The following ADCY5 variants were observed in gnomAD, a reference collection of about 807,000 sequenced individuals.
The protein encoded by ADCY5 is adenylate cyclase type 5.
A neutral mutation model predicts 119.7 loss-of-function variants in ADCY5; 30 were observed. The observed-to-expected ratio is 0.25, with a 90% CI of 0.19 to 0.34. ADCY5 has a LOEUF of 0.34. ADCY5 is among the 10% of genes least tolerant of loss of function. The probability of loss-of-function intolerance (pLI) is 1.00; values close to 1 mark genes in which losing one functional copy is unlikely to be tolerated. For synonymous variants in ADCY5, 753 were observed against 762.2 expected (o/e 0.99, Z 0.20); for missense variants, 1,324 against 1,775.2 (o/e 0.75, Z 4.57).
chr3:123,379,324 G>A (rs1033916592), intron 1 of ADCY5, among the ~76,000 whole-genome samples: 1 of 152,130 alleles, frequency 6.6e-6, no homozygotes, highest in South Asian at 2.1e-4. Context: ...TGGTTAGGGG[G>A]TGATGCTGGT....
intron 14 of ADCY5, 56 bp downstream of exon 14, chr3:123,302,999 T>G (rs1263563143): frequency 1.5e-5 from 24 of 1,586,838 alleles, no homozygotes; most frequent in Non-Finnish European, 2.1e-5. Context: ...GCAGTGACAG[T>G]GGGGGAGGGC....
At chr3:123,362,750 A>G (rs565335618) in intron 1 of ADCY5, among the ~76,000 whole-genome samples, 39 of 152,326 alleles carry the variant, frequency 2.6e-4, no homozygotes, top group Non-Finnish European at 4.0e-4. Flanking sequence ...TCTATCCTCA[A>G]GTTAATTTCA....
chr3:123,289,595 C>T (rs538564400), intron 19 of ADCY5, among the ~76,000 whole-genome samples, 155 bp downstream of exon 19: 1 of 152,380 alleles, frequency 6.6e-6, no homozygotes, highest in South Asian at 2.1e-4. Context: ...CCCCCACCTA[C>T]TAAGGGCAGG....
intron 4 of ADCY5, 38 bp downstream of exon 4, chr3:123,332,526 G>A: frequency 6.6e-7 from 1 of 1,508,606 alleles, no homozygotes; most frequent in Non-Finnish European, 9.2e-7. Context: ...CAACAGCCCA[G>A]GTCAGGCCAC....
chr3:123,420,648 G>A, intron 1 of ADCY5, among the ~76,000 whole-genome samples: 1 of 152,172 alleles, frequency 6.6e-6, no homozygotes, highest in East Asian at 1.9e-4. Flanking sequence ...TTCTGACACT[G>A]TTTGTCCCTG....
At chr3:123,396,791 C>CAGGCAGGA (rs1944596311) in intron 1 of ADCY5, among the ~76,000 whole-genome samples, 1 of 88,818 alleles carries the variant, frequency 1.1e-5, no homozygotes, top group African/African-American at 4.4e-5. Flanking sequence ...GGCAGGCAGG[C>CAGGCAGGA]AGGCAGGCAG....
intron 1 of ADCY5, among the ~76,000 whole-genome samples, chr3:123,430,777 G>A (rs1945508483): frequency 6.6e-6 from 1 of 152,146 alleles, no homozygotes; most frequent in African/African-American, 2.4e-5. Flanking sequence ...CCAGGTCCCA[G>A]CCCCACAGCT....
chr3:123,363,100 A>C (rs563912623), intron 1 of ADCY5, among the ~76,000 whole-genome samples: 40 of 150,378 alleles, frequency 2.7e-4, no homozygotes, highest in African/African-American at 8.8e-4. Flanking sequence ...CCGAGATCAC[A>C]TCATTGCACT....
intron 17 of ADCY5, among the ~76,000 whole-genome samples, chr3:123,292,371 G>A (rs1939205226): frequency 6.6e-6 from 1 of 152,162 alleles, no homozygotes; most frequent in Non-Finnish European, 1.5e-5. Context: ...AGAGCTCCCA[G>A]GGCAGAAGAT....
At chr3:123,407,137 C>G (rs1386872484) in intron 1 of ADCY5, among the ~76,000 whole-genome samples, 1 of 152,152 alleles carries the variant, frequency 6.6e-6, no homozygotes, top group East Asian at 1.9e-4. Flanking sequence ...TCCTCCCACT[C>G]TGACCTCTGG....
rs1421004275 is a variant in ADCY5, at chr3:123,286,844, T to A, written c.3533-35A>T. On this transcript the variant is annotated intron_variant, in intron 19 of 20. Coordinates refer to ENST00000462833, the MANE Select transcript of ADCY5 (RefSeq NM_183357.3). The surrounding 1 kb of genome is among the most constrained non-coding windows in gnomAD (Gnocchi z 4.2). ...ACAGGAATCAGCCACAGTCATCACA[T>A]CTCTGGCTTGACCTTGCCACCATCT... 6.4e-7 allele frequency: 1 copy of A among 1,555,020 alleles called. No individual in the cohort carries two copies. Among genetic ancestry groups the A allele is most frequent in the South Asian group, 1.2e-5 (1 of 80,934 alleles).
intron 1 of ADCY5, among the ~76,000 whole-genome samples, chr3:123,432,598 A>G (rs1051093539): frequency 6.6e-6 from 1 of 151,974 alleles, no homozygotes; most frequent in African/African-American, 2.4e-5. Flanking sequence ...TGGCGCGATC[A>G]CAGCTCACTA....
chr3:123,310,794 G>A (rs928452883), intron 12 of ADCY5, among the ~76,000 whole-genome samples: 5 of 152,142 alleles, frequency 3.3e-5, no homozygotes, highest in African/African-American at 1.2e-4. Flanking sequence ...CTGAGGCTCA[G>A]GAGTGAAACC....
At chr3:123,423,789 G>A (rs1269840160) in intron 1 of ADCY5, among the ~76,000 whole-genome samples, 1 of 152,222 alleles carries the variant, frequency 6.6e-6, no homozygotes, top group East Asian at 1.9e-4. Context: ...TATGAGGAAA[G>A]AAGGGCAGGG....
rs76807599 is a variant in ADCY5 at position 123,295,868 on chromosome 3, A to G, written c.3063+216T>C. ...ACTGTCAGCATGGGTTTGTCTGCAC[A>G]GAGTAAGTCCCAGGGTTTTGCCTCT... On this transcript the variant is annotated intron_variant, in intron 17 of 20. Transcript: ENST00000462833. 0.02 allele frequency among the ~76,000 whole-genome samples: 3,010 copies of G among 152,348 alleles called. 97 individuals carry two copies. Among genetic ancestry groups the G allele is most frequent in the African/African-American group, 0.065 (2,686 of 41,586 alleles).
chr3:123,367,735 G>A (rs1419475953), intron 1 of ADCY5, among the ~76,000 whole-genome samples: 1 of 152,070 alleles, frequency 6.6e-6, no homozygotes, highest in African/African-American at 2.4e-5. Flanking sequence ...CACAGGTGAA[G>A]TGCAGCTTCC....
intron 1 of ADCY5, among the ~76,000 whole-genome samples, chr3:123,382,091 G>A (rs979387285): frequency 6.6e-6 from 1 of 152,068 alleles, no homozygotes; most frequent in Non-Finnish European, 1.5e-5. Flanking sequence ...TTCTGAATAG[G>A]CGGCAGGCAC....
intron 3 of ADCY5, among the ~76,000 whole-genome samples, chr3:123,342,113 T>G (rs1248314507): frequency 6.6e-6 from 1 of 152,182 alleles, no homozygotes; most frequent in African/African-American, 2.4e-5. Context: ...CTTTTCTTCA[T>G]GTCAGGTTTG....
chr3:123,439,677 C>T (rs1352351846), intron 1 of ADCY5, among the ~76,000 whole-genome samples: 4 of 152,096 alleles, frequency 2.6e-5, no homozygotes, highest in African/African-American at 9.7e-5. Flanking sequence ...GGAGGGACTA[C>T]TGTATGTGAG....
Sources: gnomAD v4.1 joint callset for allele counts (sites outside exome capture counted in the v4.1 genomes callset) on GRCh38, gnomAD v4.1.1 for gene constraint, Gnocchi (gnomAD v3.1) non-coding constraint, MANE v1.5 for transcripts, NCBI Gene and HGNC (gene_info 2026-07-23, HGNC 2026-07-21) for gene names.